The following SMURF1 variants were observed in gnomAD, a reference collection of about 807,000 sequenced individuals.
SMURF1 encodes SMAD specific E3 ubiquitin protein ligase 1, also known as E3 ubiquitin-protein ligase SMURF1.
Under a neutral mutation model 98.0 loss-of-function variants are expected in SMURF1, and 44 were observed. The ratio of observed to expected loss-of-function variants is 0.45; its 90% CI spans 0.35 to 0.58. The LOEUF is 0.58. Ranked by LOEUF, SMURF1 falls within the 20% of genes least tolerant of loss-of-function variation. The pLI is 0.00. For synonymous variants in SMURF1, 396 were observed against 374.9 expected, an observed-to-expected ratio of 1.06 and a Z score of -0.65; for missense variants, 687 against 938.4, an observed-to-expected ratio of 0.73 and a Z score of 3.50.
rs2116912802 is a variant in SMURF1, at chr7:99,028,616, GCGT to G, written c.*1965_*1967del. On this transcript the variant is annotated 3_prime_UTR_variant, in exon 18 of 18. Transcript: ENST00000361368. The stretch of plus-strand genomic sequence containing the variant: ...CAACAGCAAAAAGGTAGTTTTAAAG[GCGT>G]CAAATGCAACATTCCTGCTTCAAAG... The G allele has an allele frequency of 6.6e-6, 1 of 152,342 alleles. No homozygotes were observed. Among genetic ancestry groups the G allele is most frequent in the East Asian group, 1.9e-4 (1 of 5,176 alleles). 9.4% of individuals were successfully genotyped at this position (152,342 alleles called of 1,614,324 possible).
intron 1 of SMURF1, among the ~76,000 whole-genome samples, chr7:99,101,255 C>T (rs1017847764): frequency 2.6e-5 from 4 of 152,060 alleles, no homozygotes; most frequent in African/African-American, 9.7e-5. Context: ...GCCTGTAGTC[C>T]CAGCTACTCA....
intron 5 of SMURF1, among the ~76,000 whole-genome samples, 156 bp from the exon 6 acceptor site, chr7:99,055,021 G>A (rs1401784404): frequency 6.6e-6 from 1 of 152,076 alleles, no homozygotes. Flanking sequence ...TTTCCAATAC[G>A]AAGCATTTTA....
intron 1 of SMURF1, among the ~76,000 whole-genome samples, chr7:99,114,605 A>C (rs942676526): frequency 6.6e-6 from 1 of 152,204 alleles, no homozygotes; most frequent in African/African-American, 2.4e-5. Context: ...ACAACTAAAC[A>C]GAAGATCAAC....
chr7:99,073,272 G>A (rs998261403), intron 1 of SMURF1, among the ~76,000 whole-genome samples: 10 of 151,454 alleles, frequency 6.6e-5, no homozygotes, highest in Non-Finnish European at 1.3e-4. Context: ...CCAGCTACTC[G>A]GGAGACTGAG....
chr7:99,044,938 C>G (rs1018578855), intron 11 of SMURF1, among the ~76,000 whole-genome samples: 1 of 152,176 alleles, frequency 6.6e-6, no homozygotes, highest in East Asian at 1.9e-4. Context: ...GAGTTTGAGA[C>G]CAGCCTGGGC....
rs1341604588 is a variant in SMURF1 at position 99,074,422 on chromosome 7, T to C, written c.56-12585A>G. Reference sequence around the variant, plus strand: ...CAAAGATGCCAAGACAATTCGATGATGGGGGAAAAAAGATAGCCTTGTCTA... The same window carrying C: ...CAAAGATGCCAAGACAATTCGATGACGGGGGAAAAAAGATAGCCTTGTCTA... On this transcript the variant is annotated intron_variant, in intron 1 of 17. Coordinates refer to ENST00000361368, the MANE Select transcript of SMURF1 (RefSeq NM_181349.3). Among the ~76,000 whole-genome samples, 3 of 151,976 alleles carry C rather than the reference T, an allele frequency of 2.0e-5. 1 individual carries two copies. Among genetic ancestry groups the C allele is most frequent in the Non-Finnish European group, 1.5e-5 (1 of 68,008 alleles).
chr7:99,037,661 G>C (rs778598810), intron 14 of SMURF1, among the ~76,000 whole-genome samples: 1 of 152,180 alleles, frequency 6.6e-6, no homozygotes, highest in Non-Finnish European at 1.5e-5. Context: ...TTGGCATCAC[G>C]TTAAAAATGA....
At position 99,049,583 on chromosome 7, in the gene SMURF1, T is replaced by G; in HGVS notation, c.933A>C (p.Pro311=). The G allele has an allele frequency of 6.2e-7, 1 of 1,614,164 alleles. No homozygotes were observed. Among genetic ancestry groups the G allele is most frequent in the Non-Finnish European group, 8.5e-7 (1 of 1,180,030 alleles). ...HNNRTTQFTD[P]RLHHIMNHQC... The stretch of plus-strand genomic sequence containing the variant: ...CTTACTTCATGATGTGGTGTAACCT[T>G]GGGTCTGTAAACTGGGTTGTTCGGT... The change falls in exon 9 of 18, where the codon CCA becomes CCC. Residue 311 remains proline (P), a synonymous_variant. Transcript: ENST00000361368.
At chr7:99,056,922 G>A (rs1245967098) in intron 5 of SMURF1, among the ~76,000 whole-genome samples, 1 of 130,522 alleles carries the variant, frequency 7.7e-6, no homozygotes, top group Non-Finnish European at 1.5e-5. Flanking sequence ...AGAATCGCTG[G>A]AACCTGGGAG....
At chr7:99,097,121 G>C (rs1471303399) in intron 1 of SMURF1, among the ~76,000 whole-genome samples, 2 of 151,872 alleles carry the variant, frequency 1.3e-5, no homozygotes, top group Non-Finnish European at 2.9e-5. Context: ...GCTAAACTTA[G>C]AATGAAATTT....
chr7:99,143,301 G>C (rs1427840507), intron 1 of SMURF1, among the ~76,000 whole-genome samples: 2 of 142,480 alleles, frequency 1.4e-5, no homozygotes, highest in East Asian at 4.3e-4. Flanking sequence ...GCTAGGGAGA[G>C]GAAGGGAAGC....
chr7:99,057,612 T>G (rs573166248), intron 3 of SMURF1, 61 bp from the exon 4 acceptor site: 39,901 of 1,468,952 alleles, frequency 0.027, 2,213 homozygotes, highest in African/African-American at 0.22. Context: ...TTTGTTTTTT[T>G]TTTTTTTTGA....
At chr7:99,093,597 G>A (rs1419099124) in intron 1 of SMURF1, among the ~76,000 whole-genome samples, 1 of 150,312 alleles carries the variant, frequency 6.7e-6, no homozygotes, top group Non-Finnish European at 1.5e-5. Context: ...GCAGTTTTAC[G>A]CCTATAATTT....
intron 1 of SMURF1, among the ~76,000 whole-genome samples, chr7:99,089,148 G>A (rs1796748357): frequency 6.6e-6 from 1 of 150,990 alleles, no homozygotes; most frequent in Non-Finnish European, 1.5e-5. Flanking sequence ...AGGTTGCAGT[G>A]AGCCAAGATC....
Position 99,143,783 on chromosome 7 carries a change from CCCG to C in SMURF1, c.-6_-4del. 1 of 1,557,914 alleles carries C rather than the reference CCCG, an allele frequency of 6.4e-7. No individual in the cohort carries two copies. The highest frequency in any genetic ancestry group is 1.4e-5 in the African/African-American group (1 of 70,222). ...CTGCGTGTCCCGGGGTTCGACATCT[CCCG>C]CCAACGATCGGGCAGCCGCGGATCC... On this transcript the variant is annotated 5_prime_UTR_variant, in exon 1 of 18. Transcript: ENST00000361368.
intron 3 of SMURF1, among the ~76,000 whole-genome samples, chr7:99,060,338 C>T (rs1413249690): frequency 4.8e-5 from 7 of 146,140 alleles, no homozygotes; most frequent in African/African-American, 1.3e-4. Context: ...GAGATCACGC[C>T]ACCGCACTCC....
intron 13 of SMURF1, 33 bp from the exon 14 acceptor site, chr7:99,038,558 A>C (rs770720009): frequency 6.2e-7 from 1 of 1,603,880 alleles, no homozygotes; most frequent in East Asian, 2.2e-5. Flanking sequence ...TGTAGGTTAG[A>C]ACTCTGCCAC....
At chr7:99,065,447 T>C (rs1468155965) in intron 1 of SMURF1, among the ~76,000 whole-genome samples, 1 of 152,176 alleles carries the variant, frequency 6.6e-6, no homozygotes, top group Admixed American at 6.6e-5. Context: ...ATTCTTCGGG[T>C]ATTTTTTGTT....
intron 5 of SMURF1, among the ~76,000 whole-genome samples, chr7:99,056,283 T>G (rs922329551): frequency 2.7e-5 from 4 of 145,468 alleles, no homozygotes; most frequent in African/African-American, 1.0e-4. Flanking sequence ...CAGAGAGACC[T>G]TTTTTTTTTT....
Sources: allele counts gnomAD v4.1 joint callset (sites outside exome capture counted in the v4.1 genomes callset), GRCh38; gene constraint gnomAD v4.1.1; transcripts MANE v1.5; gene names NCBI Gene and HGNC (gene_info 2026-07-23, HGNC 2026-07-21).